Variants in CFAP77 observed in about 807,000 individuals in gnomAD.
CFAP77 encodes cilia and flagella associated protein 77.
In CFAP77, 25 loss-of-function variants were observed where a neutral mutation model predicts 31.1. That is an observed-to-expected ratio of 0.80 (90% CI 0.59 to 1.12). CFAP77 has a LOEUF of 1.12. Ranked by LOEUF, CFAP77 falls within the 50% of genes most tolerant of loss-of-function variation. The pLI is 0.00. For synonymous variants in CFAP77, 151 were observed against 159.9 expected (o/e 0.94, Z 0.42); for missense variants, 377 against 397.3 (o/e 0.95, Z 0.44).
At chr9:132,486,066 GTA>G (rs1368429138) in intron 1 of CFAP77, among the ~76,000 whole-genome samples, 1,377 of 16,288 alleles carry the variant, frequency 0.085, 288 homozygotes, top group Non-Finnish European at 0.1. Flanking sequence ...GTGTGTGTGT[GTA>G]TATATATATA....
At chr9:132,459,733 T>TGTGTGTG (rs1174672711) in intron 1 of CFAP77, among the ~76,000 whole-genome samples, 4 of 147,382 alleles carry the variant, frequency 2.7e-5, no homozygotes, top group African/African-American at 1.1e-4. Context: ...TGTATGTGTA[T>TGTGTGTG]ATGTGTGTGA....
intron 3 of CFAP77, among the ~76,000 whole-genome samples, chr9:132,535,633 A>G (rs899773332): frequency 5.3e-5 from 8 of 152,244 alleles, no homozygotes; most frequent in African/African-American, 1.9e-4. Flanking sequence ...GAATCACTTG[A>G]ACCTGGGAGG....
At chr9:132,444,644 G>C (rs563166758) in intron 1 of CFAP77, among the ~76,000 whole-genome samples, 3 of 152,282 alleles carry the variant, frequency 2.0e-5, no homozygotes, top group African/African-American at 7.2e-5. Context: ...GCAGTGTTTG[G>C]ATCCATAGCG....
At chr9:132,493,910 CCTTT>C (rs888009819) in intron 1 of CFAP77, among the ~76,000 whole-genome samples, 12 of 149,062 alleles carry the variant, frequency 8.1e-5, no homozygotes, top group African/African-American at 3.0e-4. Context: ...TTCCTTCCTT[CCTTT>C]CTCTCTCTTT....
At chr9:132,529,823 T>TCAAA (rs1852406777) in intron 3 of CFAP77, among the ~76,000 whole-genome samples, 1 of 126,354 alleles carries the variant, frequency 7.9e-6, no homozygotes, top group Non-Finnish European at 1.8e-5. Flanking sequence ...AGACTCTGTC[T>TCAAA]CAAAAAAAAA....
chr9:132,468,815 G>GCA (rs1851202531), intron 1 of CFAP77, among the ~76,000 whole-genome samples: 1 of 150,410 alleles, frequency 6.6e-6, no homozygotes, highest in African/African-American at 2.4e-5. Flanking sequence ...ACACACGCAC[G>GCA]CACACACGGC....
intron 1 of CFAP77, among the ~76,000 whole-genome samples, chr9:132,453,400 C>T (rs1467817226): frequency 2.0e-5 from 3 of 149,612 alleles, no homozygotes; most frequent in Admixed American, 2.0e-4. Flanking sequence ...ACGGCATGCG[C>T]CTGTAATCCC....
At chr9:132,486,384 G>A (rs905171694) in intron 1 of CFAP77, among the ~76,000 whole-genome samples, 2 of 151,832 alleles carry the variant, frequency 1.3e-5, no homozygotes, top group Admixed American at 6.6e-5. Context: ...GAGCCACCGC[G>A]CCCGGCCCAC....
intron 3 of CFAP77, among the ~76,000 whole-genome samples, chr9:132,503,967 C>T (rs113402104): frequency 6.6e-6 from 1 of 152,010 alleles, no homozygotes; most frequent in Non-Finnish European, 1.5e-5. Flanking sequence ...TGAACCTGGG[C>T]GGTGGAGGTT....
At chr9:132,478,193 C>T (rs548458738) in intron 1 of CFAP77, among the ~76,000 whole-genome samples, 1 of 152,174 alleles carries the variant, frequency 6.6e-6, no homozygotes, top group African/African-American at 2.4e-5. Flanking sequence ...CTTCCCTTTG[C>T]TGATTTTAGC....
intron 1 of CFAP77, among the ~76,000 whole-genome samples, chr9:132,456,503 C>A (rs1850916526): frequency 1.3e-5 from 2 of 152,322 alleles, no homozygotes; most frequent in East Asian, 3.9e-4. Flanking sequence ...GGGGCAGTGC[C>A]TTCTAGCCCT....
chr9:132,561,758 C>T (rs1211275230), intron 5 of CFAP77, among the ~76,000 whole-genome samples: 1 of 152,162 alleles, frequency 6.6e-6, no homozygotes, highest in African/African-American at 2.4e-5. Flanking sequence ...CTGCCCTGCC[C>T]TCCCAACAAG....
intron 3 of CFAP77, among the ~76,000 whole-genome samples, chr9:132,503,661 A>G (rs1408840521): frequency 6.6e-6 from 1 of 152,346 alleles, no homozygotes; most frequent in Non-Finnish European, 1.5e-5. Context: ...TTACTATCCA[A>G]CTGAGGCAGG....
chr9:132,434,147 AAAAAT>A (rs765536685), intron 1 of CFAP77, among the ~76,000 whole-genome samples: 25 of 151,912 alleles, frequency 1.6e-4, no homozygotes, highest in African/African-American at 5.6e-4. Flanking sequence ...TCGAAAAAAT[AAAAAT>A]AAAATAAAAT....
At position 132,410,373 on chromosome 9, in the gene CFAP77, GC is replaced by G; in HGVS notation, c.106del (p.Leu36Ter). 2 of 1,599,338 alleles carry G rather than the reference GC, an allele frequency of 1.3e-6. No individual in the cohort carries two copies. The highest frequency in any genetic ancestry group is 1.4e-5 in the African/African-American group (1 of 72,916). Reference sequence around the variant, plus strand: ...GCCAGGTCTGCCCGCCCCCGCGGCGGCCCCTGACCGTGGCGGACATCCGTTC... The same window carrying G: ...GCCAGGTCTGCCCGCCCCCGCGGCGGCCCTGACCGTGGCGGACATCCGTTC... Reference protein sequence around the residue: ...VSQVCPPPRRPLTVADIRSGM... With the variant: ...VSQVCPPPRRXLTVADIRSGM... On this transcript the variant is annotated frameshift_variant, in exon 1 of 6. Transcript: ENST00000393216. LOFTEE classifies it high-confidence loss of function.
At chr9:132,482,826 T>G (rs1052932730) in intron 1 of CFAP77, among the ~76,000 whole-genome samples, 1 of 131,104 alleles carries the variant, frequency 7.6e-6, no homozygotes, top group Admixed American at 7.5e-5. Context: ...GGGGGAGGGA[T>G]AGCATTAGGA....
chr9:132,439,312 G>A (rs775583656), intron 1 of CFAP77, among the ~76,000 whole-genome samples: 10 of 152,162 alleles, frequency 6.6e-5, no homozygotes, highest in Non-Finnish European at 1.2e-4. Context: ...GAATTTCCTG[G>A]TAGGGGCGTG....
chr9:132,475,988 C>T (rs1346697938), intron 1 of CFAP77, among the ~76,000 whole-genome samples: 1 of 152,246 alleles, frequency 6.6e-6, no homozygotes, highest in Non-Finnish European at 1.5e-5. Context: ...CCGCTGCCTG[C>T]ATTTCTGTCC....
intron 1 of CFAP77, among the ~76,000 whole-genome samples, chr9:132,416,329 ATTTTTTT>A (rs71503303): frequency 1.8e-3 from 106 of 60,308 alleles, no homozygotes; most frequent in African/African-American, 4.9e-3. Flanking sequence ...TTCTTATCTG[ATTTTTTT>A]TTTTTTTTTT....
Sources: gnomAD v4.1 joint callset for allele counts (sites outside exome capture counted in the v4.1 genomes callset) on GRCh38, gnomAD v4.1.1 for gene constraint, MANE v1.5 for transcripts, NCBI Gene and HGNC (gene_info 2026-07-23, HGNC 2026-07-21) for gene names.